FHIT: variants seen among roughly 807,000 people sequenced by gnomAD.
The protein encoded by FHIT is fragile histidine triad diadenosine triphosphatase, also known as bis(5'-adenosyl)-triphosphatase.
Under a neutral mutation model 17.9 loss-of-function variants are expected in FHIT, and 19 were observed. The ratio of observed to expected loss-of-function variants is 1.06; its 90% CI spans 0.74 to 1.56. The LOEUF is 1.56. Among genes scored for constraint, FHIT ranks in the 40% most tolerant of loss-of-function variants. FHIT has a pLI of 0.00. For missense variants in FHIT, 248 were observed against 189.2 expected (o/e 1.31, Z -1.82); for synonymous variants, 81 against 69.7 (o/e 1.16, Z -0.81).
At chr3:61,061,764 AT>A (rs2034439210) in intron 2 of FHIT, among the ~76,000 whole-genome samples, 1 of 152,146 alleles carries the variant, frequency 6.6e-6, no homozygotes, top group African/African-American at 2.4e-5. Flanking sequence ...TAAAATGATA[AT>A]TACAAGGTAC....
intron 4 of FHIT, among the ~76,000 whole-genome samples, chr3:60,762,083 T>C (rs1699676779): frequency 6.6e-6 from 1 of 152,178 alleles, no homozygotes; most frequent in Non-Finnish European, 1.5e-5. Context: ...GACACCTCCA[T>C]GTGTGTATGG....
At chr3:61,234,005 C>T (rs925973533) in intron 1 of FHIT, among the ~76,000 whole-genome samples, 14 of 152,216 alleles carry the variant, frequency 9.2e-5, no homozygotes, top group Non-Finnish European at 1.6e-4. Context: ...TTGAAGCTGA[C>T]ATAGTAACCT....
At chr3:60,788,512 GT>G (rs1700661016) in intron 4 of FHIT, among the ~76,000 whole-genome samples, 1 of 152,134 alleles carries the variant, frequency 6.6e-6, no homozygotes. Flanking sequence ...ATATATGTAT[GT>G]TTAGTAGTTT....
At chr3:61,243,289 T>A (rs1022159011) in intron 1 of FHIT, among the ~76,000 whole-genome samples, 1 of 152,232 alleles carries the variant, frequency 6.6e-6, no homozygotes, top group Non-Finnish European at 1.5e-5. Context: ...GGCCTCTGTA[T>A]GCATATGTAA....
intron 7 of FHIT, among the ~76,000 whole-genome samples, chr3:59,965,420 A>C (rs551545146): frequency 1.3e-5 from 2 of 152,318 alleles, no homozygotes; most frequent in Non-Finnish European, 2.9e-5. Context: ...TTCTTTAAGA[A>C]AATATTATTT....
intron 4 of FHIT, among the ~76,000 whole-genome samples, chr3:60,694,131 C>G (rs987280087): frequency 2.0e-5 from 3 of 152,070 alleles, no homozygotes; most frequent in African/African-American, 4.8e-5. Context: ...TTGGGAAAGA[C>G]CAGAAAGGCA....
chr3:60,619,179 A>G (rs2039041441), intron 4 of FHIT, among the ~76,000 whole-genome samples: 1 of 149,888 alleles, frequency 6.7e-6, no homozygotes, highest in Non-Finnish European at 1.5e-5. Context: ...TTCCTCTTAC[A>G]AGAGTAATTA....
At position 60,436,331 on chromosome 3, in the gene FHIT, T is replaced by C. The variant is rs1036667919; in HGVS notation, c.103+100529A>G. Reference sequence around the variant, plus strand: ...TCCCAAAGCACTAGAATTACAGGTGTGAGCCACCACACCCAGCCAGTACCA... The same window carrying C: ...TCCCAAAGCACTAGAATTACAGGTGCGAGCCACCACACCCAGCCAGTACCA... On this transcript the variant is annotated intron_variant, in intron 5 of 9. Transcript: ENST00000492590. Among the ~76,000 whole-genome samples the C allele has an allele frequency of 2.6e-5, 4 of 152,134 alleles. No homozygotes were observed. The South Asian group carries it at 8.3e-4, about 32-fold the overall frequency.
At position 60,106,657 on chromosome 3, in the gene FHIT, G is replaced by C. The variant is rs73831587; in HGVS notation, c.104-92505C>G. ...GAGGTGCCCAGCCAAGGACAGTGCT[G>C]CTTCCCAGAAGAGATGAGACTCCCC... is the stretch of plus-strand genomic sequence containing the variant. On this transcript the variant is annotated intron_variant, in intron 5 of 9. Coordinates refer to ENST00000492590, the MANE Select transcript of FHIT (RefSeq NM_002012.4). Among the ~76,000 whole-genome samples the C allele has an allele frequency of 4.8e-3, 733 of 152,260 alleles. 9 individuals are homozygous for C. The highest frequency in any genetic ancestry group is 0.017 in the African/African-American group (703 of 41,548).
chr3:60,991,336 G>C (rs940487888), intron 3 of FHIT, among the ~76,000 whole-genome samples: 4 of 152,194 alleles, frequency 2.6e-5, no homozygotes, highest in African/African-American at 9.6e-5. Flanking sequence ...TCAGGGAGTG[G>C]GGGCAGGAGC....
intron 8 of FHIT, 64 bp downstream of exon 8, chr3:59,922,282 G>T: frequency 1.5e-6 from 2 of 1,295,286 alleles, no homozygotes; most frequent in South Asian, 1.2e-5. Flanking sequence ...TGATTCATTA[G>T]GTTGATGTCA....
At chr3:60,542,460 T>C (rs1316107245) in intron 4 of FHIT, among the ~76,000 whole-genome samples, 3 of 152,212 alleles carry the variant, frequency 2.0e-5, no homozygotes. Context: ...TTGATAGTAC[T>C]TCCTGCTTTC....
Position 61,089,997 on chromosome 3 carries a change from G to T in FHIT, c.-163-47898C>A, listed in dbSNP as rs571895205. Among the ~76,000 whole-genome samples the T allele has an allele frequency of 5.3e-5, 8 of 152,154 alleles. No homozygotes were observed. In the East Asian group the frequency reaches 1.5e-3, roughly 29 times the overall value. ...GGTTCCTAAAAGCCAATCAACAAGC[G>T]CATGCCAATACATGATGAAGTTTTC... On this transcript the variant is annotated intron_variant, in intron 2 of 9. Transcript: ENST00000492590.
intron 4 of FHIT, among the ~76,000 whole-genome samples, chr3:60,540,492 C>A (rs2036150954): frequency 6.6e-6 from 1 of 152,138 alleles, no homozygotes; most frequent in Admixed American, 6.5e-5. Flanking sequence ...GAGGCTATCT[C>A]CAGGTACGTA....
At chr3:59,987,098 T>C (rs1029567931) in intron 7 of FHIT, among the ~76,000 whole-genome samples, 2 of 136,664 alleles carry the variant, frequency 1.5e-5, no homozygotes, top group Non-Finnish European at 3.1e-5. Flanking sequence ...GATATGAAGA[T>C]ATAAAAAATC....
chr3:60,596,680 A>C lies in FHIT; in HGVS notation c.-17-59701T>G, dbSNP rs143542312. ...TAAGCTCCTTGTGGGTAATGGCTAA[A>C]TCTCATCCACCTTTATATCTCCAAG... On this transcript the variant is annotated intron_variant, in intron 4 of 9. Transcript: ENST00000492590. Among the ~76,000 whole-genome samples, 552 of 152,176 alleles carry C rather than the reference A, an allele frequency of 3.6e-3. 4 individuals are homozygous for C. The highest frequency in any genetic ancestry group is 0.01 in the Middle Eastern group (3 of 294).
chr3:60,024,327 G>T (rs1700658802), intron 5 of FHIT, among the ~76,000 whole-genome samples: 1 of 152,162 alleles, frequency 6.6e-6, no homozygotes, highest in Non-Finnish European at 1.5e-5. Flanking sequence ...CTTAAAATCA[G>T]TCCTCCATGA....
At chr3:60,531,176 T>G (rs1444479882) in intron 5 of FHIT, among the ~76,000 whole-genome samples, 1 of 152,068 alleles carries the variant, frequency 6.6e-6, no homozygotes, top group East Asian at 1.9e-4. Flanking sequence ...GACATGTGCT[T>G]AGGGAAATTT....
At chr3:60,136,676 T>C (rs1399751499) in intron 5 of FHIT, among the ~76,000 whole-genome samples, 1 of 152,126 alleles carries the variant, frequency 6.6e-6, no homozygotes, top group Non-Finnish European at 1.5e-5. Context: ...ACCTTGAAGA[T>C]TTCTATTACC....
Sources: allele counts gnomAD v4.1 joint callset (sites outside exome capture counted in the v4.1 genomes callset), GRCh38; gene constraint gnomAD v4.1.1; transcripts MANE v1.5; gene names NCBI Gene and HGNC (gene_info 2026-07-23, HGNC 2026-07-21).